Variants in MAF observed in about 807,000 individuals in gnomAD.
The protein encoded by MAF is transcription factor Maf.
A neutral mutation model predicts 22.0 loss-of-function variants in MAF; 10 were observed. The ratio of observed to expected loss-of-function variants is 0.45; its 90% CI spans 0.28 to 0.77. MAF has a LOEUF of 0.77. Among genes scored for constraint, MAF ranks in the 30% least tolerant of loss-of-function variants. The probability of loss-of-function intolerance (pLI) is 0.12; values close to 1 mark genes in which losing one functional copy is unlikely to be tolerated. For missense variants in MAF, 544 were observed against 548.4 expected (o/e 0.99, Z 0.08); for synonymous variants, 337 against 255.8 (o/e 1.32, Z -3.03).
At chr16:79,289,854 A>ATTTTT in the MAF span, among the ~76,000 whole-genome samples, 23,666 of 55,314 alleles carry the variant, frequency 0.43, 3,745 homozygotes, top group East Asian at 0.7. Context: ...TTGTTTGTGT[A>ATTTTT]TTTTTTTTTT....
At chr16:79,591,113 C>A (rs1050665940), downstream of MAF, among the ~76,000 whole-genome samples, 2 of 152,130 alleles carry the variant, frequency 1.3e-5, no homozygotes, top group South Asian at 4.1e-4. Flanking sequence ...GGTTTCATCG[C>A]TTCTCCTGTT....
At chr16:79,537,064 T>C in the MAF span, among the ~76,000 whole-genome samples, 1 of 152,194 alleles carries the variant, frequency 6.6e-6, no homozygotes, top group Non-Finnish European at 1.5e-5. Context: ...GGTGCACATG[T>C]ACCCAGAAGC....
the MAF span, among the ~76,000 whole-genome samples, chr16:79,375,562 T>C: frequency 1.0e-4 from 15 of 149,900 alleles, no homozygotes; most frequent in African/African-American, 2.9e-4. Flanking sequence ...ACTGTGACAA[T>C]GATGATGAAG....
the MAF span, among the ~76,000 whole-genome samples, chr16:79,412,633 G>C: frequency 6.6e-6 from 1 of 152,182 alleles, no homozygotes; most frequent in Non-Finnish European, 1.5e-5. Context: ...CAGTTGAGGA[G>C]CACTGCTTCA....
chr16:79,437,762 G>A, the MAF span, among the ~76,000 whole-genome samples: 2 of 152,182 alleles, frequency 1.3e-5, no homozygotes, highest in African/African-American at 2.4e-5. Flanking sequence ...GAGAGAAACC[G>A]TAGGCTGGCA....
At chr16:79,236,774 GT>G in the MAF span, among the ~76,000 whole-genome samples, 1 of 151,872 alleles carries the variant, frequency 6.6e-6, no homozygotes, top group African/African-American at 2.4e-5. Flanking sequence ...GCTGATCATA[GT>G]TCGTTCTTAT....
At chr16:79,542,252 G>A in the MAF span, among the ~76,000 whole-genome samples, 1 of 152,170 alleles carries the variant, frequency 6.6e-6, no homozygotes, top group African/African-American at 2.4e-5. Context: ...CGAGCTCCAC[G>A]AAGCCTCCGG....
chr16:79,295,494 T>C, the MAF span, among the ~76,000 whole-genome samples: 3 of 152,248 alleles, frequency 2.0e-5, no homozygotes, highest in Non-Finnish European at 4.4e-5. Context: ...GCACATTTGG[T>C]TGGCCAAAAC....
At chr16:79,444,122 T>G in the MAF span, among the ~76,000 whole-genome samples, 2 of 152,110 alleles carry the variant, frequency 1.3e-5, no homozygotes, top group African/African-American at 4.8e-5. Context: ...TGATAGAATA[T>G]TAAATGGGTA....
At chr16:79,332,369 C>T in the MAF span, among the ~76,000 whole-genome samples, 1 of 152,188 alleles carries the variant, frequency 6.6e-6, no homozygotes, top group Admixed American at 6.5e-5. Flanking sequence ...GGCGCTGTCA[C>T]ATCTCACCGC....
At chr16:79,577,643 G>C in the MAF span, among the ~76,000 whole-genome samples, 1 of 152,146 alleles carries the variant, frequency 6.6e-6, no homozygotes, top group African/African-American at 2.4e-5. Context: ...TCTAACTCCT[G>C]ACATGCTGGA....
At chr16:79,586,541 G>C (rs30403) in intron 1 of MAF, among the ~76,000 whole-genome samples, 115,637 of 152,152 alleles carry the variant, frequency 0.76, 46,048 homozygotes, top group East Asian at 0.9. Flanking sequence ...TAAATTAGTA[G>C]CAGGGAGTGC....
the MAF span, among the ~76,000 whole-genome samples, chr16:79,288,004 T>G: frequency 1.3e-5 from 2 of 152,198 alleles, no homozygotes; most frequent in Non-Finnish European, 1.5e-5. Context: ...ACCCTTTATT[T>G]AACAAAACTA....
At chr16:79,303,418 A>T in the MAF span, among the ~76,000 whole-genome samples, 1 of 152,104 alleles carries the variant, frequency 6.6e-6, no homozygotes, top group African/African-American at 2.4e-5. Context: ...AGAGTGTGCA[A>T]TGTGGGAAGC....
the MAF span, among the ~76,000 whole-genome samples, chr16:79,271,634 A>G: frequency 6.6e-6 from 1 of 152,232 alleles, no homozygotes; most frequent in Non-Finnish European, 1.5e-5. Context: ...GTTGATATTA[A>G]TAAAGACTGT....
the MAF span, among the ~76,000 whole-genome samples, chr16:79,522,837 G>C: frequency 4.6e-5 from 7 of 152,268 alleles, no homozygotes; most frequent in East Asian, 1.9e-4. Flanking sequence ...TAAATGCTCG[G>C]AGCTCCTTGG....
At chr16:79,590,905 C>T (rs1269525068), downstream of MAF, among the ~76,000 whole-genome samples, 1 of 152,040 alleles carries the variant, frequency 6.6e-6, no homozygotes, top group Non-Finnish European at 1.5e-5. Context: ...AGAATTCCTC[C>T]AACAAAAGTC....
the MAF span, among the ~76,000 whole-genome samples, chr16:79,361,581 C>T: frequency 6.6e-6 from 1 of 152,216 alleles, no homozygotes; most frequent in Non-Finnish European, 1.5e-5. Flanking sequence ...TCTCTAAAAG[C>T]TGTCAGTCTC....
chr16:79,423,330 C>T, the MAF span, among the ~76,000 whole-genome samples: 1 of 152,072 alleles, frequency 6.6e-6, no homozygotes, highest in Non-Finnish European at 1.5e-5. Flanking sequence ...TTTGGCTTGT[C>T]TGGAGAGCAG....
Sources: gnomAD v4.1 joint callset for allele counts (sites outside exome capture counted in the v4.1 genomes callset) on GRCh38, gnomAD v4.1.1 for gene constraint, MANE v1.5 for transcripts, NCBI Gene and HGNC (gene_info 2026-07-23, HGNC 2026-07-21) for gene names.